The following ABCA8 variants were observed in gnomAD, a reference collection of about 807,000 sequenced individuals.
ABCA8 encodes ATP binding cassette subfamily A member 8.
In ABCA8, 177 loss-of-function variants were observed where a neutral mutation model predicts 192.3. That is an observed-to-expected ratio of 0.92 (90% CI 0.81 to 1.04). The LOEUF is 1.04. ABCA8 is among the 50% of genes least tolerant of loss of function. The pLI is 0.00. For missense variants in ABCA8, 1,915 were observed against 1,904.8 expected (o/e 1.01, Z -0.10); for synonymous variants, 642 against 690.2 (o/e 0.93, Z 1.09).
chr17:68,933,158 T>G lies in ABCA8; in HGVS notation c.570+10A>C, dbSNP rs185853880. 479 of 1,588,394 alleles carry G rather than the reference T, an allele frequency of 3.0e-4. No homozygotes were observed. The highest frequency in any genetic ancestry group is 3.8e-4 in the Non-Finnish European group (441 of 1,160,638). ...TAAACATTAGTTTGCTTTGAACATT[T>G]TGTACTCACTTCTATAATAGCAGCA... is the stretch of plus-strand genomic sequence containing the variant. On this transcript the variant is annotated intron_variant, in intron 6 of 39. Transcript: ENST00000586539.
chr17:68,929,323 GTGTA>G (rs1251631473), intron 8 of ABCA8, 89 bp from the exon 9 acceptor site: 2 of 1,174,650 alleles, frequency 1.7e-6, no homozygotes, highest in Non-Finnish European at 2.3e-6. Flanking sequence ...TAGTTATTTT[GTGTA>G]TGTAACAGTT....
At chr17:68,923,236 A>G (rs1269866017) in intron 11 of ABCA8, among the ~76,000 whole-genome samples, 8 of 149,768 alleles carry the variant, frequency 5.3e-5, no homozygotes, top group African/African-American at 2.0e-4. Context: ...GTCTTGCTCT[A>G]TCACCCAGGC....
intron 1 of ABCA8, among the ~76,000 whole-genome samples, chr17:68,951,386 G>A (rs1420853926): frequency 1.3e-5 from 2 of 152,090 alleles, no homozygotes; most frequent in Admixed American, 1.3e-4. Flanking sequence ...TTCCTCGCTG[G>A]TGCAGCATAT....
intron 5 of ABCA8, among the ~76,000 whole-genome samples, chr17:68,934,163 A>G (rs535679101): frequency 3.0e-4 from 46 of 152,290 alleles, no homozygotes; most frequent in African/African-American, 1.0e-3. Flanking sequence ...TGATTTTGAA[A>G]TGTAAATAAA....
At chr17:68,904,138 C>T (rs2066991662) in intron 19 of ABCA8, among the ~76,000 whole-genome samples, 1 of 151,634 alleles carries the variant, frequency 6.6e-6, no homozygotes, top group South Asian at 2.1e-4. Context: ...AAAAATTAGC[C>T]GGGCGTGGTG....
In ABCA8 at chr17:68,887,919, T is replaced by TGG. The variant is rs1567830658; in HGVS notation, c.3145-414_3145-413insCC. On this transcript the variant is annotated intron_variant, in intron 24 of 39. Coordinates refer to ENST00000586539, the MANE Select transcript of ABCA8 (RefSeq NM_001288985.2). ...ATATATATATATATCCATATATATA[T>TGG]ATATATTATATATGGATATATATAT... Among the ~76,000 whole-genome samples the TGG allele has an allele frequency of 4.4e-4, 10 of 22,916 alleles. No homozygotes were observed. The East Asian group carries it at 0.052, about 119-fold the overall frequency. 15.0% of individuals were successfully genotyped at this position (22,916 alleles called of 152,430 possible). A position where few individuals can be genotyped will look rare whatever the true frequency, so the allele number is the denominator to read the frequency against.
intron 13 of ABCA8, among the ~76,000 whole-genome samples, chr17:68,920,914 G>A (rs1281344028): frequency 6.6e-6 from 1 of 152,012 alleles, no homozygotes; most frequent in East Asian, 1.9e-4. Context: ...TGTTTATTGT[G>A]GCACTATTCA....
chr17:68,933,115 A>G, intron 6 of ABCA8, 53 bp downstream of exon 6: 1 of 1,251,128 alleles, frequency 8.0e-7, no homozygotes, highest in Non-Finnish European at 1.2e-6. Context: ...TGATGCCTCT[A>G]ATATCATTAA....
intron 23 of ABCA8, 55 bp from the exon 24 acceptor site, chr17:68,891,651 C>G: frequency 7.4e-7 from 1 of 1,353,760 alleles, no homozygotes; most frequent in Non-Finnish European, 1.0e-6. Context: ...AGTTAATTTT[C>G]TGGAATACAT....
chr17:68,909,676 G>A (rs2067184318), intron 17 of ABCA8, among the ~76,000 whole-genome samples: 1 of 152,066 alleles, frequency 6.6e-6, no homozygotes, highest in African/African-American at 2.4e-5. Context: ...AAGAAGAGAT[G>A]CAAACAAAGT....
At chr17:68,888,637 G>C (rs184010528) in intron 24 of ABCA8, among the ~76,000 whole-genome samples, 3 of 152,290 alleles carry the variant, frequency 2.0e-5, no homozygotes, top group South Asian at 2.1e-4. Context: ...AAATAGCAAG[G>C]GGGGAAGACA....
intron 4 of ABCA8, among the ~76,000 whole-genome samples, chr17:68,938,036 A>T (rs966245712): frequency 6.6e-6 from 1 of 152,150 alleles, no homozygotes; most frequent in Non-Finnish European, 1.5e-5. Context: ...AGTTCCTGAC[A>T]TTGGGTCTTG....
chr17:68,886,860 G>C (rs2066473786), intron 26 of ABCA8, 157 bp downstream of exon 26: 3 of 393,840 alleles, frequency 7.6e-6, no homozygotes, highest in Non-Finnish European at 1.3e-5. Flanking sequence ...CTTTGGTGAA[G>C]TAATTTCTAG....
rs778165725 is a variant in ABCA8, at chr17:68,875,355, A to C, written c.4536T>G (p.Asp1512Glu). 1 of 1,614,102 alleles carries C rather than the reference A, an allele frequency of 6.2e-7. No homozygotes were observed. Among genetic ancestry groups the C allele is most frequent in the Non-Finnish European group, 8.5e-7 (1 of 1,180,016 alleles). The change falls in exon 37 of 40, where the codon GAT becomes GAG. Residue 1512 changes from aspartate (D) to glutamate (E), a missense_variant. Physicochemically the swap from Asp to Glu is conservative, Grantham distance 45. Transcript: ENST00000586539. ...TCTTCACCTTCATCTCCAGCAGGTA[A>C]TCTTTGCCAAATTTGCTTTTCAGGT... The part of the protein sequence containing the change: ...IQHLKSKFGK[D>E]YLLEMKVKNL...
At chr17:68,882,926 T>C (rs888387937) in intron 29 of ABCA8, among the ~76,000 whole-genome samples, 8 of 152,196 alleles carry the variant, frequency 5.3e-5, no homozygotes, top group African/African-American at 1.7e-4. Context: ...ACCTAATAGC[T>C]GACGAAGAAT....
At chr17:68,928,162 A>G (rs1205937038) in intron 9 of ABCA8, 99 bp from the exon 10 acceptor site, 16 of 964,620 alleles carry the variant, frequency 1.7e-5, no homozygotes, top group Non-Finnish European at 2.2e-5. Context: ...TTATTGCCTC[A>G]TACTGAGAAT....
At chr17:68,910,768 C>A (rs2067211529) in intron 17 of ABCA8, among the ~76,000 whole-genome samples, 1 of 152,124 alleles carries the variant, frequency 6.6e-6, no homozygotes, top group African/African-American at 2.4e-5. Flanking sequence ...AATAGGACAC[C>A]AGGCAGAGTT....
intron 13 of ABCA8, chr17:68,919,747 A>T (rs1344954178): frequency 8.6e-6 from 2 of 231,530 alleles, no homozygotes; most frequent in East Asian, 1.7e-4. Flanking sequence ...GAGTCTGATG[A>T]AGAGCTTCCA....
In ABCA8 at chr17:68,911,176, G is replaced by A. The variant is rs1436105280; in HGVS notation, c.2139-3297C>T. Among the ~76,000 whole-genome samples, 1 of 152,156 alleles carries A rather than the reference G, an allele frequency of 6.6e-6. No homozygotes were observed. Among genetic ancestry groups the A allele is most frequent in the Non-Finnish European group, 1.5e-5 (1 of 68,008 alleles). On this transcript the variant is annotated intron_variant, in intron 17 of 39. Transcript: ENST00000586539. This position sits in a 1 kb window ranked among gnomAD's most constrained non-coding sequence, Gnocchi z 5.7. The stretch of plus-strand genomic sequence containing the variant: ...ATTCTAGGCCTTGGCTCCTGGATCT[G>A]GACTTGCCCCAGGCCAGAGGGGAGC...
Sources: gnomAD v4.1 joint callset for allele counts (sites outside exome capture counted in the v4.1 genomes callset) on GRCh38, gnomAD v4.1.1 for gene constraint, Gnocchi (gnomAD v3.1) non-coding constraint, MANE v1.5 for transcripts, NCBI Gene and HGNC (gene_info 2026-07-23, HGNC 2026-07-21) for gene names.